DLGAP2: variants seen among roughly 807,000 people sequenced by gnomAD.
DLGAP2 encodes disks large-associated protein 2.
In DLGAP2, 26 loss-of-function variants were observed where a neutral mutation model predicts 100.3. That is an observed-to-expected ratio of 0.26 (90% confidence interval 0.19 to 0.36). DLGAP2 has a LOEUF of 0.36. Ranked by LOEUF, DLGAP2 falls within the 10% of genes least tolerant of loss-of-function variation. The pLI, the probability that DLGAP2 is intolerant of heterozygous loss-of-function variation, is 1.00. For synonymous variants in DLGAP2, 886 were observed against 630.1 expected, an observed-to-expected ratio of 1.41 and a Z score of -6.08; for missense variants, 1,858 against 1,453.2, an observed-to-expected ratio of 1.28 and a Z score of -4.53.
chr8:883,456 A>G (rs961630042), intron 1 of DLGAP2: 1 of 152,092 alleles, frequency 6.6e-6, no homozygotes, highest in Non-Finnish European at 1.5e-5. Flanking sequence ...AAAAAAATAC[A>G]ATAATGCTTT....
intron 2 of DLGAP2, among the ~76,000 whole-genome samples, chr8:1,152,112 T>A (rs7819343): frequency 0.27 from 40,652 of 152,168 alleles, 5,691 homozygotes; most frequent in Middle Eastern, 0.38. Context: ...ACAGTATGTG[T>A]TCAAATATTT....
intron 2 of DLGAP2, among the ~76,000 whole-genome samples, chr8:1,045,471 A>C (rs549142109): frequency 6.6e-6 from 1 of 152,218 alleles, no homozygotes; most frequent in Non-Finnish European, 1.5e-5. Context: ...TAACGTATGC[A>C]TTACTCACAC....
chr8:1,554,349 C>T (rs909238407), intron 5 of DLGAP2, among the ~76,000 whole-genome samples: 5 of 152,256 alleles, frequency 3.3e-5, no homozygotes, highest in Admixed American at 6.5e-5. Flanking sequence ...ATGGAATGCA[C>T]GATGCTGGCC....
At chr8:1,071,030 G>A (rs1426291296) in intron 2 of DLGAP2, among the ~76,000 whole-genome samples, 2 of 152,130 alleles carry the variant, frequency 1.3e-5, no homozygotes, top group Admixed American at 1.3e-4. Flanking sequence ...ATTCAGCGCC[G>A]GCACCTCACT....
rs569245563 is a variant in DLGAP2, at chr8:1,700,178, A to G, written c.2950-1010A>G. Among the ~76,000 whole-genome samples, 381 of 152,282 alleles carry G rather than the reference A, an allele frequency of 2.5e-3. 2 individuals carry two copies. Among genetic ancestry groups the G allele is most frequent in the African/African-American group, 8.6e-3 (357 of 41,566 alleles). ...TCACACAACTGCCTGTCTTCCCCCA[A>G]TCTACAAGCACCTCTGGGCTCCCTT... On this transcript the variant is annotated intron_variant, in intron 14 of 14. Coordinates refer to ENST00000637795, the MANE Select transcript of DLGAP2 (RefSeq NM_001346810.2).
In DLGAP2 at chr8:977,008, T is replaced by C. The variant is rs192305529; in HGVS notation, c.73+69042T>C. ...GAGAATGAAATGACAAGCTACAGAC[T>C]GGGAGAAAATATTTACAAAACACTT... On this transcript the variant is annotated intron_variant, in intron 2 of 14. Transcript: ENST00000637795. Among the ~76,000 whole-genome samples the C allele has an allele frequency of 1.8e-3, 281 of 152,346 alleles. 3 individuals carry two copies. Among genetic ancestry groups the C allele is most frequent in the African/African-American group, 6.7e-3 (277 of 41,590 alleles).
At chr8:757,424 G>A (rs902713860) in intron 1 of DLGAP2, among the ~76,000 whole-genome samples, 5 of 152,166 alleles carry the variant, frequency 3.3e-5, no homozygotes, top group South Asian at 2.1e-4. Context: ...CATGAGACTC[G>A]ATTCATTTAG....
rs574362219 is a variant in DLGAP2 at position 1,229,179 on chromosome 8, A to G, written c.74-29672A>G. ...ATGTTATAAAACTTATACTCTGAAA[A>G]CTATAAAATATTGAAATATTGAGAA... On this transcript the variant is annotated intron_variant, in intron 2 of 14. Transcript: ENST00000637795. Among the ~76,000 whole-genome samples the G allele has an allele frequency of 2.0e-5, 3 of 152,294 alleles. No homozygotes were observed. The South Asian group carries it at 6.2e-4, about 32-fold the overall frequency.
chr8:919,629 C>T (rs981590617), intron 2 of DLGAP2, among the ~76,000 whole-genome samples: 1 of 152,178 alleles, frequency 6.6e-6, no homozygotes, highest in African/African-American at 2.4e-5. Context: ...GATGGGGCCC[C>T]GGTGTGCCCG....
At chr8:1,279,086 G>A (rs937198235) in intron 3 of DLGAP2, among the ~76,000 whole-genome samples, 2 of 152,160 alleles carry the variant, frequency 1.3e-5, no homozygotes, top group South Asian at 2.1e-4. Context: ...TACAAAACAA[G>A]AACAAAATAG....
intron 2 of DLGAP2, among the ~76,000 whole-genome samples, chr8:956,167 ATTTCT>A (rs1397690303): frequency 6.6e-6 from 1 of 152,150 alleles, no homozygotes; most frequent in African/African-American, 2.4e-5. Context: ...CGTCTGGTGC[ATTTCT>A]TTTGAGTTTA....
rs1797782492 is a variant in DLGAP2, at chr8:1,197,707, GAGCA to G, written c.74-61143_74-61140del. Among the ~76,000 whole-genome samples, 163 of 150,014 alleles carry G rather than the reference GAGCA, an allele frequency of 1.1e-3. 5 individuals carry two copies. Among genetic ancestry groups the G allele is most frequent in the Admixed American group, 0.011 (162 of 15,042 alleles). On this transcript the variant is annotated intron_variant, in intron 2 of 14. Transcript: ENST00000637795. ...TATAAACCTGAGCCACGTCAATGTG[GAGCA>G]TCTGGGCCACCAGCTGTCCATATAA...
intron 1 of DLGAP2, among the ~76,000 whole-genome samples, chr8:901,866 C>T (rs926123151): frequency 9.2e-5 from 14 of 152,230 alleles, no homozygotes; most frequent in African/African-American, 3.4e-4. Context: ...CTCCCGTTTG[C>T]AGGCTGGGCA....
chr8:1,464,902 G>T (rs1345771574), intron 3 of DLGAP2, among the ~76,000 whole-genome samples: 2 of 150,570 alleles, frequency 1.3e-5, no homozygotes, highest in Admixed American at 6.7e-5. Flanking sequence ...CAAAAAAAAA[G>T]TAGTATCTGA....
intron 3 of DLGAP2, among the ~76,000 whole-genome samples, chr8:1,279,716 G>T (rs1273395576): frequency 2.0e-5 from 3 of 152,174 alleles, no homozygotes. Context: ...CAGCTGGTAA[G>T]ATTTATTTCC....
chr8:1,633,990 G>A (rs1797712047), intron 8 of DLGAP2, among the ~76,000 whole-genome samples: 1 of 152,202 alleles, frequency 6.6e-6, no homozygotes, highest in Non-Finnish European at 1.5e-5. Context: ...ATGCTAAAGT[G>A]AACAAGAAAT....
intron 6 of DLGAP2, among the ~76,000 whole-genome samples, chr8:1,583,661 T>G (rs1347210355): frequency 6.6e-6 from 1 of 152,164 alleles, no homozygotes; most frequent in Admixed American, 6.5e-5. Context: ...TTCCTGATGC[T>G]GAGACTCCAT....
At chr8:1,421,839 C>G (rs975203613) in intron 3 of DLGAP2, among the ~76,000 whole-genome samples, 2 of 152,022 alleles carry the variant, frequency 1.3e-5, no homozygotes, top group African/African-American at 4.8e-5. Flanking sequence ...TGGCACATGC[C>G]TGTAATCCCA....
At chr8:1,514,352 A>G (rs945612443) in intron 4 of DLGAP2, among the ~76,000 whole-genome samples, 11 of 152,262 alleles carry the variant, frequency 7.2e-5, no homozygotes, top group Non-Finnish European at 1.5e-4. Flanking sequence ...TTTCAATGGC[A>G]CACATGGTTC....
Sources: gnomAD v4.1 joint callset for allele counts (sites outside exome capture counted in the v4.1 genomes callset) on GRCh38, gnomAD v4.1.1 for gene constraint, MANE v1.5 for transcripts, NCBI Gene and HGNC (gene_info 2026-07-23, HGNC 2026-07-21) for gene names.